The following CYFIP1 variants were observed in gnomAD, a reference collection of about 807,000 sequenced individuals.
The protein encoded by CYFIP1 is cytoplasmic FMR1 interacting protein 1, also known as cytoplasmic FMR1-interacting protein 1.
A neutral mutation model predicts 163.5 loss-of-function variants in CYFIP1; 58 were observed. The ratio of observed to expected loss-of-function variants is 0.35; its 90% CI spans 0.29 to 0.44. The LOEUF (loss-of-function observed/expected upper bound fraction) is 0.44, where lower values mean the gene tolerates loss of function less well. Among genes scored for constraint, CYFIP1 ranks in the 20% least tolerant of loss-of-function variants. CYFIP1 has a pLI of 1.00. For synonymous variants in CYFIP1, 663 were observed against 660.7 expected, an observed-to-expected ratio of 1.00 and a Z score of -0.05; for missense variants, 1,338 against 1,653.8, an observed-to-expected ratio of 0.81 and a Z score of 3.31.
intron 11 of CYFIP1, 96 bp from the exon 12 acceptor site, chr15:22,928,124 C>CGT (rs2061416940): frequency 2.2e-6 from 3 of 1,359,024 alleles, no homozygotes; most frequent in Non-Finnish European, 2.9e-6. Flanking sequence ...CAAAGTCACA[C>CGT]GTGTGAAAAT....
chr15:22,881,940 C>A lies in CYFIP1; in HGVS notation c.2821-4G>T. 9 of 1,611,386 alleles carry A rather than the reference C, an allele frequency of 5.6e-6. No individual in the cohort carries two copies. Among genetic ancestry groups the A allele is most frequent in the Non-Finnish European group, 7.6e-6 (9 of 1,179,762 alleles). On this transcript the variant is annotated splice_polypyrimidine_tract_variant and splice_region_variant and intron_variant, in intron 24 of 30. Transcript: ENST00000617928. ...ACTGCAGGATTGTGCCTTGCAGCTGCCGGGGAGATGAGACGGGCTGCGTCA... is the reference window on the plus strand; with the variant it reads ...ACTGCAGGATTGTGCCTTGCAGCTGACGGGGAGATGAGACGGGCTGCGTCA...
intron 26 of CYFIP1, among the ~76,000 whole-genome samples, chr15:22,878,949 A>T (rs554146976): frequency 6.6e-6 from 1 of 152,224 alleles, no homozygotes; most frequent in Non-Finnish European, 1.5e-5. Context: ...AGCCTGGCTA[A>T]CACGGTGAAA....
At chr15:22,962,515 A>G (rs1244215818) in intron 1 of CYFIP1, among the ~76,000 whole-genome samples, 1 of 151,170 alleles carries the variant, frequency 6.6e-6, no homozygotes, top group Non-Finnish European at 1.5e-5. Context: ...TCTCGTGCCT[A>G]AGCCTCCCGA....
intron 1 of CYFIP1, among the ~76,000 whole-genome samples, chr15:22,963,517 A>G (rs2062769094): frequency 7.0e-6 from 1 of 143,806 alleles, no homozygotes; most frequent in East Asian, 2.0e-4. Flanking sequence ...AACATAACAT[A>G]ACATAACATA....
intron 1 of CYFIP1, among the ~76,000 whole-genome samples, chr15:22,953,620 G>A (rs1214145802): frequency 6.6e-6 from 1 of 152,218 alleles, no homozygotes; most frequent in Non-Finnish European, 1.5e-5. Flanking sequence ...ACTGCCCTTG[G>A]AATGGAGCCT....
At chr15:22,951,235 G>T in intron 1 of CYFIP1, 1 of 852,464 alleles carries the variant, frequency 1.2e-6, no homozygotes, top group Non-Finnish European at 1.5e-6. Flanking sequence ...TCCCCGACAC[G>T]TAAGGGAACG....
intron 1 of CYFIP1, among the ~76,000 whole-genome samples, chr15:22,972,064 C>T (rs2063117906): frequency 6.6e-6 from 1 of 152,164 alleles, no homozygotes; most frequent in African/African-American, 2.4e-5. Context: ...TTGTGTGGAA[C>T]CACAAAAGAC....
intron 24 of CYFIP1, 43 bp from the exon 25 acceptor site, chr15:22,881,979 G>T: frequency 6.4e-7 from 1 of 1,565,442 alleles, no homozygotes; most frequent in Non-Finnish European, 8.8e-7. Flanking sequence ...ACCCCACTCC[G>T]CTCTGCTAAC....
At chr15:22,899,001 A>G (rs918651500) in intron 22 of CYFIP1, among the ~76,000 whole-genome samples, 4 of 141,732 alleles carry the variant, frequency 2.8e-5, no homozygotes, top group African/African-American at 1.0e-4. Flanking sequence ...GACTCTGTCT[A>G]AAAAAAAAAA....
rs772208481 is a variant in CYFIP1 at position 22,881,855 on chromosome 15, C to G, written c.2902G>C (p.Gly968Arg). The change falls in exon 25 of 31, where the codon GGC becomes CGC. Residue 968 changes from glycine (G) to arginine (R), a missense_variant. By Grantham distance (125) the Gly-to-Arg change is moderately radical. Around this residue, in one of 4 missense-constraint regions of CYFIP1, gnomAD observed 824 missense variants for 995.7 expected, o/e 0.83. Transcript: ENST00000617928. ...KICRLPRHEY[G>R]SPGILEFFHH... ...ACACGCCCGCACTCACCAGGAGAGCCGTACTCGTGCCGGGGCAGGCGGCAG... is the reference window on the plus strand; with the variant it reads ...ACACGCCCGCACTCACCAGGAGAGCGGTACTCGTGCCGGGGCAGGCGGCAG... The G allele has an allele frequency of 1.2e-6, 2 of 1,610,896 alleles. No homozygotes were observed. The highest frequency in any genetic ancestry group is 1.7e-6 in the Non-Finnish European group (2 of 1,179,928).
chr15:22,879,386 C>A (rs1418338808), intron 26 of CYFIP1, among the ~76,000 whole-genome samples: 1 of 152,156 alleles, frequency 6.6e-6, no homozygotes, highest in Admixed American at 6.5e-5. Flanking sequence ...CAGTCGAAAA[C>A]ACGAGGCGTC....
chr15:22,975,839 AT>A (rs1396255678), intron 1 of CYFIP1, among the ~76,000 whole-genome samples: 2 of 152,234 alleles, frequency 1.3e-5, no homozygotes, highest in African/African-American at 4.8e-5. Flanking sequence ...AGCCAAACGT[AT>A]ACTTAAAAGT....
intron 27 of CYFIP1, 70 bp downstream of exon 27, chr15:22,875,129 G>A (rs796531919): frequency 2.3e-5 from 33 of 1,421,362 alleles, no homozygotes; most frequent in African/African-American, 7.0e-5. Flanking sequence ...TTAGCTCTCC[G>A]GTTGCATACA....
chr15:22,899,677 A>G (rs1259025573), intron 22 of CYFIP1, among the ~76,000 whole-genome samples: 2 of 152,164 alleles, frequency 1.3e-5, no homozygotes, highest in Non-Finnish European at 2.9e-5. Context: ...GCCCAGCCTC[A>G]GGTATGTCTT....
intron 22 of CYFIP1, among the ~76,000 whole-genome samples, chr15:22,897,227 A>T (rs1184061878): frequency 6.6e-6 from 1 of 152,156 alleles, no homozygotes; most frequent in African/African-American, 2.4e-5. Context: ...AAAAAAAGGA[A>T]AACTAGTACA....
intron 1 of CYFIP1, among the ~76,000 whole-genome samples, chr15:22,958,673 G>T (rs1164067028): frequency 6.6e-6 from 1 of 152,046 alleles, no homozygotes; most frequent in Admixed American, 6.5e-5. Flanking sequence ...CCCTCCCCCA[G>T]GCTTCCCTCT....
chr15:22,889,693 C>T (rs1012978863), intron 23 of CYFIP1, among the ~76,000 whole-genome samples: 11 of 152,280 alleles, frequency 7.2e-5, no homozygotes, highest in Admixed American at 3.3e-4. Context: ...ACAGAGGAGC[C>T]TCTCTGCCCA....
chr15:22,875,196 C>T lies in CYFIP1; in HGVS notation c.3115+3G>A, dbSNP rs1470525759. ...ACTCCCTGGTGGGGGTCAGCAGGCT[C>T]ACCTTTCACATGGACTCGCGGCAAG... On this transcript the variant is annotated splice_donor_region_variant and intron_variant, in intron 27 of 30. Transcript: ENST00000617928. The T allele has an allele frequency of 1.9e-6, 3 of 1,613,964 alleles. No individual in the cohort carries two copies. The highest frequency in any genetic ancestry group is 2.5e-6 in the Non-Finnish European group (3 of 1,179,928).
At chr15:22,950,893 CAA>C (rs940220926) in intron 1 of CYFIP1, among the ~76,000 whole-genome samples, 8 of 152,146 alleles carry the variant, frequency 5.3e-5, no homozygotes, top group Non-Finnish European at 1.0e-4. Context: ...CACCAAAGGG[CAA>C]GAGAGAGAGA....
Sources: allele counts gnomAD v4.1 joint callset (sites outside exome capture counted in the v4.1 genomes callset), GRCh38; gene constraint gnomAD v4.1.1; regional missense constraint gnomAD v4.1.1; transcripts MANE v1.5; gene names NCBI Gene and HGNC (gene_info 2026-07-23, HGNC 2026-07-21).